The following TRIM2 variants were observed in gnomAD, a reference collection of about 807,000 sequenced individuals.
TRIM2 encodes tripartite motif-containing protein 2.
Under a neutral mutation model 75.2 loss-of-function variants are expected in TRIM2, and 20 were observed. The ratio of observed to expected loss-of-function variants is 0.27; its 90% CI spans 0.19 to 0.39. The LOEUF (loss-of-function observed/expected upper bound fraction) is 0.39. Ranked by LOEUF, TRIM2 falls within the 10% of genes least tolerant of loss-of-function variation. The pLI is 1.00. For synonymous variants in TRIM2, 373 were observed against 388.3 expected (o/e 0.96, Z 0.46); for missense variants, 660 against 990.8 (o/e 0.67, Z 4.48).
At chr4:153,300,260 T>A (rs1763593899) in intron 6 of TRIM2, among the ~76,000 whole-genome samples, 1 of 151,948 alleles carries the variant, frequency 6.6e-6, no homozygotes, top group Non-Finnish European at 1.5e-5. Context: ...ATCTTTTGTC[T>A]TTTTTTTGAG....
chr4:153,268,807 G>A (rs1755929577), intron 1 of TRIM2, among the ~76,000 whole-genome samples: 1 of 152,150 alleles, frequency 6.6e-6, no homozygotes, highest in African/African-American at 2.4e-5. Context: ...TTCCTGGCAT[G>A]ATCCCTAACA....
intron 1 of TRIM2, among the ~76,000 whole-genome samples, chr4:153,258,099 A>G (rs1752516804): frequency 6.6e-6 from 1 of 152,118 alleles, no homozygotes; most frequent in Non-Finnish European, 1.5e-5. Context: ...GAGATGAAAT[A>G]TTTGATTTGC....
intron 1 of TRIM2, 62 bp downstream of exon 1, chr4:153,204,622 G>A (rs144450660): frequency 6.5e-7 from 1 of 1,546,944 alleles, no homozygotes; most frequent in African/African-American, 1.4e-5. Flanking sequence ...ATCCGGGGCT[G>A]GGAGAAACAA....
intron 1 of TRIM2, among the ~76,000 whole-genome samples, chr4:153,208,055 G>A (rs1735958901): frequency 6.6e-6 from 1 of 152,154 alleles, no homozygotes; most frequent in African/African-American, 2.4e-5. Context: ...CAGCACTTTG[G>A]GAGGCCAAGG....
chr4:153,233,345 A>G (rs949012689), intron 1 of TRIM2, among the ~76,000 whole-genome samples: 1 of 152,198 alleles, frequency 6.6e-6, no homozygotes, highest in African/African-American at 2.4e-5. Context: ...ACAGGGTGGC[A>G]GGATTTAGAA....
intron 1 of TRIM2, among the ~76,000 whole-genome samples, chr4:153,205,623 A>G (rs895687408): frequency 1.3e-5 from 2 of 152,222 alleles, no homozygotes; most frequent in Non-Finnish European, 2.9e-5. Context: ...CAGGAGCCTG[A>G]TAAAATGAAA....
Position 153,193,332 on chromosome 4 carries a change from T to C in TRIM2, c.-49+40062T>C, listed in dbSNP as rs550150373. ...ATTTTTAGTAGAGACAGGGTTTCAC[T>C]GTGTTAGTTAGGATGGTCTCGATCT... On this transcript the variant is annotated intron_variant, in intron 1 of 11. Transcript: ENST00000437508. Among the ~76,000 whole-genome samples, 17 of 151,946 alleles carry C rather than the reference T, an allele frequency of 1.1e-4. No individual in the cohort carries two copies. The East Asian group carries it at 2.5e-3, about 23-fold the overall frequency.
intron 6 of TRIM2, among the ~76,000 whole-genome samples, chr4:153,300,425 A>G (rs190668335): frequency 6.6e-4 from 100 of 152,238 alleles, no homozygotes; most frequent in African/African-American, 2.1e-3. Flanking sequence ...GACCACAGAT[A>G]TGTGCCGCCA....
upstream of TRIM2, among the ~76,000 whole-genome samples, chr4:153,201,533 C>G (rs189541423): frequency 1.5e-3 from 234 of 151,986 alleles, 2 homozygotes; most frequent in Non-Finnish European, 1.6e-3. Flanking sequence ...TCTTTTGAAG[C>G]ACAAAAGGTT....
intron 1 of TRIM2, among the ~76,000 whole-genome samples, chr4:153,262,670 CT>C (rs1277720717): frequency 2.0e-5 from 3 of 152,128 alleles, no homozygotes; most frequent in Non-Finnish European, 4.4e-5. Flanking sequence ...AACCTTGTGG[CT>C]GATTTGTTAG....
rs115188754 is a variant in TRIM2 at position 153,253,459 on chromosome 4, G to A, written c.31-16876G>A. 6.5e-3 allele frequency among the ~76,000 whole-genome samples: 992 copies of A among 152,292 alleles called. 17 individuals carry two copies. The highest frequency in any genetic ancestry group is 0.022 in the African/African-American group (926 of 41,558). ...ATGCACACCCTACTACCCCATGGGA[G>A]GGGTTGGTACCATTCCTTGGCTGAG... On this transcript the variant is annotated intron_variant, in intron 1 of 11. Transcript: ENST00000338700.
intron 2 of TRIM2, among the ~76,000 whole-genome samples, chr4:153,272,491 A>T (rs28454295): frequency 0.27 from 39,865 of 149,528 alleles, 6,516 homozygotes; most frequent in African/African-American, 0.48. Context: ...ATTATTTATT[A>T]ATTTATTTAT....
At chr4:153,186,491 TAAGGAGCTGTAC>T (rs1036843062) in intron 1 of TRIM2, among the ~76,000 whole-genome samples, 1 of 152,208 alleles carries the variant, frequency 6.6e-6, no homozygotes, top group African/African-American at 2.4e-5. Context: ...TTCACCCTCT[TAAGGAGCTGTAC>T]AAGGAGCTGA....
At chr4:153,251,128 A>T (rs1305000976) in intron 1 of TRIM2, among the ~76,000 whole-genome samples, 1 of 152,192 alleles carries the variant, frequency 6.6e-6, no homozygotes, top group Admixed American at 6.5e-5. Context: ...GCTTAAGAGA[A>T]AGTCCTTTCT....
In TRIM2 at chr4:153,290,957, A is replaced by G. The variant is rs575250412; in HGVS notation, c.454-2025A>G. On this transcript the variant is annotated intron_variant, in intron 3 of 11. Coordinates refer to ENST00000338700, the MANE Select transcript of TRIM2 (RefSeq NM_015271.5). ...AAATGTTTTTGAGCAGAGAATGCAT[A>G]CAAGAAATTTCCAGTTAATGTTTCA... Among the ~76,000 whole-genome samples the G allele has an allele frequency of 2.0e-4, 30 of 152,256 alleles. 1 individual carries two copies. Among genetic ancestry groups the G allele is most frequent in the African/African-American group, 7.2e-4 (30 of 41,524 alleles).
chr4:153,235,905 C>T (rs2149818219), intron 1 of TRIM2, among the ~76,000 whole-genome samples: 1 of 152,214 alleles, frequency 6.6e-6, no homozygotes, highest in African/African-American at 2.4e-5. Context: ...AATTCTTGAC[C>T]ACCTAAACTA....
chr4:153,228,776 A>C (rs1480579398), intron 1 of TRIM2, among the ~76,000 whole-genome samples: 1 of 152,276 alleles, frequency 6.6e-6, no homozygotes, highest in Non-Finnish European at 1.5e-5. Flanking sequence ...TCAAGTGACC[A>C]TTTATTTAGA....
chr4:153,293,008 T>C lies in TRIM2; in HGVS notation c.480T>C (p.Cys160=). 6.2e-7 allele frequency: 1 copy of C among 1,612,214 alleles called. No individual in the cohort carries two copies. Among genetic ancestry groups the C allele is most frequent in the Non-Finnish European group, 8.5e-7 (1 of 1,178,762 alleles). Reference sequence around the variant, plus strand: ...TGATGGAATTTTACTGCCAGTCCTGTGAGACTGCCATGTGTCGGGAGTGCA... The same window carrying C: ...TGATGGAATTTTACTGCCAGTCCTGCGAGACTGCCATGTGTCGGGAGTGCA... ...GNVMEFYCQS[C]ETAMCRECTE... is the part of the protein sequence containing the mutation. Residue 160 remains cysteine (C), a synonymous_variant, in exon 4 of 12, where the codon TGT becomes TGC. Transcript: ENST00000338700.
intron 1 of TRIM2, among the ~76,000 whole-genome samples, chr4:153,181,175 C>G (rs1446772866): frequency 1.3e-5 from 2 of 152,204 alleles, no homozygotes; most frequent in African/African-American, 4.8e-5. Context: ...GATGTGGATA[C>G]CATTATTGAA....
Sources: gnomAD v4.1 joint callset for allele counts (sites outside exome capture counted in the v4.1 genomes callset) on GRCh38, gnomAD v4.1.1 for gene constraint, MANE v1.5 for transcripts, NCBI Gene and HGNC (gene_info 2026-07-23, HGNC 2026-07-21) for gene names.